Variants in AXDND1 observed in about 807,000 individuals in gnomAD.
AXDND1 encodes the protein axonemal dynein light chain domain-containing protein 1.
AXDND1 carries 110 observed loss-of-function variants against 137.5 expected under a neutral mutation model. The ratio of observed to expected loss-of-function variants is 0.80; its 90% confidence interval spans 0.69 to 0.94. AXDND1 has a LOEUF of 0.94. Ranked by LOEUF, AXDND1 falls within the 40% of genes least tolerant of loss-of-function variation. AXDND1 has a pLI of 0.00. For synonymous variants in AXDND1, 414 were observed against 399.7 expected (o/e 1.04, Z -0.43); for missense variants, 1,191 against 1,169.8 (o/e 1.02, Z -0.26).
chr1:179,456,274 C>T, intron 16 of AXDND1: 1 of 736,484 alleles, frequency 1.4e-6, no homozygotes, highest in Non-Finnish European at 2.5e-6. Flanking sequence ...CCTCCATAGC[C>T]ACCTTGGTTT....
chr1:179,538,447 T>C (rs1671770035), intron 25 of AXDND1, among the ~76,000 whole-genome samples: 1 of 152,198 alleles, frequency 6.6e-6, no homozygotes, highest in African/African-American at 2.4e-5. Context: ...ATTTTGTTGT[T>C]TACCCAGTAG....
intron 17 of AXDND1, chr1:179,468,866 G>A (rs185552662): frequency 7.5e-5 from 25 of 331,132 alleles, no homozygotes; most frequent in East Asian, 2.4e-4. Context: ...CTCTCCTACC[G>A]TCCTACCCCC....
At chr1:179,441,920 C>T (rs780153967) in intron 15 of AXDND1, among the ~76,000 whole-genome samples, 2 of 152,216 alleles carry the variant, frequency 1.3e-5, no homozygotes, top group Non-Finnish European at 2.9e-5. Context: ...TGTTTCTCAT[C>T]AAAGGGTAAA....
At chr1:179,497,365 A>T (rs923338973) in intron 20 of AXDND1, among the ~76,000 whole-genome samples, 2 of 152,132 alleles carry the variant, frequency 1.3e-5, no homozygotes, top group Non-Finnish European at 2.9e-5. Context: ...GTGCAAATAC[A>T]TTTAGAGTGA....
chr1:179,477,500 C>A (rs924348372), intron 17 of AXDND1, among the ~76,000 whole-genome samples: 2 of 152,070 alleles, frequency 1.3e-5, no homozygotes, highest in Non-Finnish European at 2.9e-5. Context: ...AAAGGGATTT[C>A]CCCTTATGAA....
Position 179,413,236 on chromosome 1 carries a change from TATTA to T in AXDND1, c.1230+1978_1230+1981del, listed in dbSNP as rs547368765. Among the ~76,000 whole-genome samples the T allele has an allele frequency of 4.4e-3, 675 of 152,304 alleles. 1 individual carries two copies. The highest frequency in any genetic ancestry group is 0.01 in the Middle Eastern group (3 of 294). The stretch of plus-strand genomic sequence containing the variant: ...CCACATTAACTGTTTATATTTATTT[TATTA>T]ATTAATTTTAAATTTTATTTTAGAT... On this transcript the variant is annotated intron_variant, in intron 12 of 25. Coordinates refer to ENST00000367618, the MANE Select transcript of AXDND1 (RefSeq NM_144696.6).
chr1:179,395,060 T>C, intron 10 of AXDND1, 38 bp from the exon 11 acceptor site: 2 of 1,563,078 alleles, frequency 1.3e-6, no homozygotes, highest in Non-Finnish European at 1.7e-6. Context: ...TTTGGAAATC[T>C]CCAAATATGA....
intron 4 of AXDND1, among the ~76,000 whole-genome samples, chr1:179,377,692 C>T (rs1017175806): frequency 2.6e-5 from 4 of 152,046 alleles, no homozygotes; most frequent in African/African-American, 7.2e-5. Flanking sequence ...TCCAGGGAAG[C>T]ATGGTAGAAG....
intron 20 of AXDND1, among the ~76,000 whole-genome samples, chr1:179,495,263 C>A (rs944670708): frequency 4.6e-5 from 7 of 151,910 alleles, no homozygotes; most frequent in African/African-American, 1.7e-4. Context: ...GATATTATAT[C>A]TATTGATCAG....
At chr1:179,439,892 C>T (rs946274331) in intron 15 of AXDND1, among the ~76,000 whole-genome samples, 2 of 152,110 alleles carry the variant, frequency 1.3e-5, no homozygotes, top group African/African-American at 2.4e-5. Context: ...TTCTCCATCT[C>T]CTGTAAAAAC....
At chr1:179,442,496 A>T (rs986459190) in intron 15 of AXDND1, among the ~76,000 whole-genome samples, 5 of 152,186 alleles carry the variant, frequency 3.3e-5, no homozygotes, top group African/African-American at 1.2e-4. Flanking sequence ...GGTTATGCGT[A>T]ATAACCTCCT....
At chr1:179,489,525 G>A (rs1415945701) in intron 18 of AXDND1, among the ~76,000 whole-genome samples, 1 of 152,072 alleles carries the variant, frequency 6.6e-6, no homozygotes, top group Non-Finnish European at 1.5e-5. Context: ...GAAGCAGCAG[G>A]GACATAACTA....
intron 18 of AXDND1, among the ~76,000 whole-genome samples, chr1:179,488,105 G>A (rs568684603): frequency 2.1e-5 from 3 of 144,462 alleles, no homozygotes; most frequent in African/African-American, 8.1e-5. Flanking sequence ...TCAATCAGTT[G>A]TTCTTACAGT....
In AXDND1 at chr1:179,383,365, A is replaced by C. The variant is rs1030447237; in HGVS notation, c.639-77A>C. On this transcript the variant is annotated intron_variant, in intron 7 of 25. Transcript: ENST00000367618. ...GAGAGCATATATATTCTCTTTACAC[A>C]TATTATATTCTTTTTGCCATTTGAG... 3 of 1,046,136 alleles carry C rather than the reference A, an allele frequency of 2.9e-6. No homozygotes were observed. The African/African-American group carries it at 4.8e-5, about 17-fold the overall frequency. The allele number at this position is 1,046,136 out of a possible 1,614,324, so 64.8% of individuals were successfully genotyped here.
At chr1:179,489,198 G>A (rs1329292869) in intron 18 of AXDND1, among the ~76,000 whole-genome samples, 1 of 152,002 alleles carries the variant, frequency 6.6e-6, no homozygotes, top group East Asian at 1.9e-4. Flanking sequence ...CTATATTTTA[G>A]CACAAAAATT....
At chr1:179,452,593 C>T (rs1660691091) in intron 16 of AXDND1, 2 of 136,960 alleles carry the variant, frequency 1.5e-5, no homozygotes, top group Admixed American at 7.8e-5. Flanking sequence ...GAGGCTGAGG[C>T]AGGAGAATGG....
At chr1:179,379,796 C>CAA (rs5779022) in intron 6 of AXDND1, among the ~76,000 whole-genome samples, 5 of 93,568 alleles carry the variant, frequency 5.3e-5, no homozygotes, top group African/African-American at 1.3e-4. Context: ...AACTCCATCT[C>CAA]AAAAAAAAAA....
intron 19 of AXDND1, 102 bp downstream of exon 19, chr1:179,491,839 TGAAA>T (rs1666934975): frequency 4.8e-6 from 5 of 1,032,446 alleles, no homozygotes; most frequent in Non-Finnish European, 6.9e-6. Context: ...TTTAAAACCT[TGAAA>T]GAAATACTAG....
chr1:179,389,767 T>C (rs1248749804), intron 9 of AXDND1, among the ~76,000 whole-genome samples: 1 of 152,206 alleles, frequency 6.6e-6, no homozygotes, highest in African/African-American at 2.4e-5. Context: ...AGTTGGATTG[T>C]AATGGGAAGG....
Sources: allele counts gnomAD v4.1 joint callset (sites outside exome capture counted in the v4.1 genomes callset), GRCh38; gene constraint gnomAD v4.1.1; transcripts MANE v1.5; gene names NCBI Gene and HGNC (gene_info 2026-07-23, HGNC 2026-07-21).